The following RYR2 variants were observed in gnomAD, a reference collection of about 807,000 sequenced individuals.
The protein encoded by RYR2 is cardiac muscle ryanodine receptor-calcium release channel.
A neutral mutation model predicts 601.1 loss-of-function variants in RYR2; 227 were observed. The ratio of observed to expected loss-of-function variants is 0.38; its 90% CI spans 0.34 to 0.42. RYR2 has a LOEUF of 0.42. RYR2 is among the 10% of genes least tolerant of loss of function. The pLI is 1.00. For missense variants in RYR2, 4,646 were observed against 6,156.5 expected (o/e 0.75, Z 8.21); for synonymous variants, 2,223 against 2,175.1 (o/e 1.02, Z -0.61).
chr1:237,325,624 C>T (rs1173714611), intron 2 of RYR2, among the ~76,000 whole-genome samples: 1 of 151,970 alleles, frequency 6.6e-6, no homozygotes, highest in Non-Finnish European at 1.5e-5. Flanking sequence ...GGTGGAGGAG[C>T]TTGCAGTGAG....
chr1:237,767,422 T>C (rs949673527), intron 84 of RYR2, among the ~76,000 whole-genome samples: 3 of 152,198 alleles, frequency 2.0e-5, no homozygotes, highest in African/African-American at 7.2e-5. Context: ...TATGTTCACC[T>C]CACAAGGTGC....
intron 1 of RYR2, among the ~76,000 whole-genome samples, chr1:237,153,477 G>A (rs866304977): frequency 1.3e-5 from 2 of 152,084 alleles, no homozygotes; most frequent in South Asian, 4.1e-4. Context: ...TCAACTTGGC[G>A]ATAATATTTC....
At chr1:237,809,842 GA>G (rs765043137) in intron 100 of RYR2, among the ~76,000 whole-genome samples, 1 of 152,128 alleles carries the variant, frequency 6.6e-6, no homozygotes, top group Non-Finnish European at 1.5e-5. Context: ...AACTCAGTGG[GA>G]CAGAGTAGTT....
chr1:237,762,330 C>T (rs78751667), intron 84 of RYR2, among the ~76,000 whole-genome samples: 4 of 152,186 alleles, frequency 2.6e-5, no homozygotes, highest in African/African-American at 7.2e-5. Context: ...CTTGGAGCCA[C>T]TGCAGATCTC....
At position 237,778,748 on chromosome 1, in the gene RYR2, A is replaced by G; in HGVS notation, c.11858A>G (p.His3953Arg). 6.2e-7 allele frequency: 1 copy of G among 1,606,072 alleles called. No individual in the cohort carries two copies. Among genetic ancestry groups the G allele is most frequent in the Non-Finnish European group, 8.5e-7 (1 of 1,172,902 alleles). The change falls in exon 88 of 105, where the codon CAT becomes CGT. Residue 3953 changes from histidine (H) to arginine (R), a missense_variant. By Grantham distance (29) the His-to-Arg change is conservative. Coordinates refer to ENST00000366574, the MANE Select transcript of RYR2 (RefSeq NM_001035.3). ...AVVGFLHVFA[H>R]MQMKLSQDSS... ...GTCGGCTTTCTTCATGTGTTTGCCC[A>G]TATGCAGATGAAGCTGTCGCAGGTA...
rs529339356 is a variant in RYR2 at position 237,638,389 on chromosome 1, A to G, written c.6825A>G (p.Gln2275=). ...VVRYLAGCGL[Q]SCQMLVSKGY... ...GTTATTTGGCTGGTTGTGGACTGCA[A>G]AGTTGCCAGATGCTGGTGTCTAAGG... Residue 2275 remains glutamine, a synonymous_variant, in exon 45 of 105, where the codon CAA becomes CAG. Transcript: ENST00000366574. 3.1e-6 allele frequency: 5 copies of G among 1,613,924 alleles called. No individual in the cohort carries two copies. Among genetic ancestry groups the G allele is most frequent in the Non-Finnish European group, 4.2e-6 (5 of 1,179,840 alleles).
intron 48 of RYR2, among the ~76,000 whole-genome samples, chr1:237,645,621 A>G (rs1420525767): frequency 6.6e-6 from 1 of 152,208 alleles, no homozygotes; most frequent in African/African-American, 2.4e-5. Context: ...AATGGGCCCC[A>G]AAGTTTCCAG....
chr1:237,314,900 A>G (rs748827121), intron 2 of RYR2, among the ~76,000 whole-genome samples: 21 of 152,334 alleles, frequency 1.4e-4, no homozygotes, highest in Middle Eastern at 3.4e-3. Context: ...ATTAACATAA[A>G]CTGGGATTAG....
In RYR2 at chr1:237,237,446, A is replaced by G. The variant is rs115637802; in HGVS notation, c.49-33051A>G. On this transcript the variant is annotated intron_variant, in intron 1 of 104. Coordinates refer to ENST00000366574, the MANE Select transcript of RYR2 (RefSeq NM_001035.3). ...GAAACCTGAAAAACTAGTTCATGCTATGAAAAGAAGTGGAATTGGACATGT... is the reference window on the plus strand; with the variant it reads ...GAAACCTGAAAAACTAGTTCATGCTGTGAAAAGAAGTGGAATTGGACATGT... Among the ~76,000 whole-genome samples, 832 of 152,338 alleles carry G rather than the reference A, an allele frequency of 5.5e-3. 10 individuals are homozygous for G. Among genetic ancestry groups the G allele is most frequent in the African/African-American group, 0.018 (751 of 41,572 alleles).
At position 237,589,934 on chromosome 1, in the gene RYR2, T is replaced by G; in HGVS notation, c.3740T>G (p.Ile1247Ser). The G allele has an allele frequency of 6.2e-7, 1 of 1,613,956 alleles. No individual in the cohort carries two copies. The highest frequency in any genetic ancestry group is 8.5e-7 in the Non-Finnish European group (1 of 1,179,880). Residue 1247 changes from isoleucine to serine, a missense_variant, in exon 30 of 105, where the codon ATT (isoleucine) becomes AGT (serine). Ile to Ser is a moderately radical substitution (Grantham distance 142, BLOSUM62 -2). Transcript: ENST00000366574. ...TTTGCCGTTAATACAAACAGGGATATTACCATGTGGCTGAGCAAGAGGCTT... is the reference window on the plus strand; with the variant it reads ...TTTGCCGTTAATACAAACAGGGATAGTACCATGTGGCTGAGCAAGAGGCTT... ...EPFAVNTNRD[I>S]TMWLSKRLPQ...
intron 8 of RYR2, among the ~76,000 whole-genome samples, 181 bp from the exon 9 acceptor site, chr1:237,387,100 A>C (rs952687814): frequency 1.3e-5 from 2 of 152,244 alleles, no homozygotes; most frequent in South Asian, 4.1e-4. Context: ...AAAAATCCGT[A>C]AATTCAGAGA....
chr1:237,075,278 A>G (rs2148355063), intron 1 of RYR2, among the ~76,000 whole-genome samples: 1 of 152,202 alleles, frequency 6.6e-6, no homozygotes, highest in Non-Finnish European at 1.5e-5. Context: ...AGGAGCCAAG[A>G]TGGCCGAATA....
At chr1:237,578,915 G>A (rs1673576263) in intron 29 of RYR2, among the ~76,000 whole-genome samples, 1 of 152,132 alleles carries the variant, frequency 6.6e-6, no homozygotes, top group East Asian at 1.9e-4. Flanking sequence ...TGGAGAAATG[G>A]TCTCTTCCTT....
At chr1:237,808,654 C>CAA (rs35162950) in intron 99 of RYR2, among the ~76,000 whole-genome samples, 24 of 116,026 alleles carry the variant, frequency 2.1e-4, no homozygotes, top group Non-Finnish European at 3.8e-4. Flanking sequence ...AACTCTGTCT[C>CAA]AAAAAAAAAA....
At chr1:237,720,637 G>C (rs916006687) in intron 73 of RYR2, among the ~76,000 whole-genome samples, 4 of 152,148 alleles carry the variant, frequency 2.6e-5, no homozygotes, top group African/African-American at 9.7e-5. Flanking sequence ...TATGTACATG[G>C]GTATTTGAGA....
chr1:237,451,982 G>A (rs571981266), intron 14 of RYR2, among the ~76,000 whole-genome samples: 12 of 150,082 alleles, frequency 8.0e-5, no homozygotes, highest in Admixed American at 2.7e-4. Context: ...GTGTGTGTAT[G>A]TGTGTTTGTG....
intron 98 of RYR2, among the ~76,000 whole-genome samples, chr1:237,803,500 C>T (rs1416755921): frequency 6.6e-6 from 1 of 152,076 alleles, no homozygotes; most frequent in Non-Finnish European, 1.5e-5. Context: ...CGGGGTTTCA[C>T]CATGTTAGCC....
intron 17 of RYR2, among the ~76,000 whole-genome samples, chr1:237,472,974 A>T (rs1660901655): frequency 8.7e-6 from 1 of 114,648 alleles, no homozygotes; most frequent in Non-Finnish European, 2.1e-5. Flanking sequence ...AGTAACACCA[A>T]TTATTTTTTC....
At position 237,773,901 on chromosome 1, in the gene RYR2, A is replaced by T. The variant is rs370135730; in HGVS notation, c.11775+253A>T. On this transcript the variant is annotated intron_variant, in intron 87 of 104. Transcript: ENST00000366574. ...CTCTATTGTACCTCCAGGGCCTGGT[A>T]TATGTATTAAGCACTTAGTAAATAT... Among the ~76,000 whole-genome samples, 8 of 152,282 alleles carry T rather than the reference A, an allele frequency of 5.3e-5. No individual in the cohort carries two copies. In the East Asian group the frequency reaches 9.7e-4, roughly 18 times the overall value.
Sources: allele counts gnomAD v4.1 joint callset (sites outside exome capture counted in the v4.1 genomes callset), GRCh38; gene constraint gnomAD v4.1.1; transcripts MANE v1.5; gene names NCBI Gene and HGNC (gene_info 2026-07-23, HGNC 2026-07-21).